The following HS6ST3 variants were observed in gnomAD, a reference collection of about 807,000 sequenced individuals.
HS6ST3 encodes heparan-sulfate 6-O-sulfotransferase 3.
Under a neutral mutation model 36.7 loss-of-function variants are expected in HS6ST3, and 12 were observed. The observed-to-expected ratio is 0.33, with a 90% CI of 0.21 to 0.53. The LOEUF (loss-of-function observed/expected upper bound fraction) is 0.53. Among genes scored for constraint, HS6ST3 ranks in the 20% least tolerant of loss-of-function variants. HS6ST3 has a pLI of 0.95. For synonymous variants in HS6ST3, 240 were observed against 257.5 expected, an observed-to-expected ratio of 0.93 and a Z score of 0.65; for missense variants, 584 against 640.9, an observed-to-expected ratio of 0.91 and a Z score of 0.96.
At chr13:96,742,549 A>C (rs943346593) in intron 1 of HS6ST3, among the ~76,000 whole-genome samples, 3 of 152,064 alleles carry the variant, frequency 2.0e-5, no homozygotes, top group African/African-American at 7.2e-5. Context: ...CAGTGAAGTT[A>C]TTTGCTACCT....
chr13:96,316,257 CTG>C (rs10534465), intron 1 of HS6ST3, among the ~76,000 whole-genome samples: 5,002 of 147,196 alleles, frequency 0.034, 105 homozygotes, highest in East Asian at 0.079. Context: ...CTACATACAC[CTG>C]TGTGTGTGTG....
At chr13:96,710,330 A>G (rs560659829) in intron 1 of HS6ST3, among the ~76,000 whole-genome samples, 1 of 152,348 alleles carries the variant, frequency 6.6e-6, no homozygotes, top group East Asian at 1.9e-4. Flanking sequence ...GGCCTGACTC[A>G]GCAGAGCTCT....
At chr13:96,333,760 A>G (rs1321485817) in intron 1 of HS6ST3, among the ~76,000 whole-genome samples, 1 of 152,174 alleles carries the variant, frequency 6.6e-6, no homozygotes, top group Non-Finnish European at 1.5e-5. Context: ...ACACTGACAC[A>G]TGAATAGATG....
chr13:96,215,682 T>G (rs1030438875), intron 1 of HS6ST3, among the ~76,000 whole-genome samples: 1 of 152,092 alleles, frequency 6.6e-6, no homozygotes, highest in African/African-American at 2.4e-5. Flanking sequence ...TATTTTTTTT[T>G]ATCAAAGTAA....
chr13:96,571,719 T>C (rs995203966), intron 1 of HS6ST3, among the ~76,000 whole-genome samples: 1 of 152,192 alleles, frequency 6.6e-6, no homozygotes, highest in African/African-American at 2.4e-5. Context: ...TTCCTTGACA[T>C]TATAATGGTT....
At chr13:96,370,800 G>A (rs1004658582) in intron 1 of HS6ST3, among the ~76,000 whole-genome samples, 5 of 152,114 alleles carry the variant, frequency 3.3e-5, no homozygotes, top group Admixed American at 2.0e-4. Flanking sequence ...GGGAGGCTGG[G>A]GCAGGAGAAT....
chr13:96,306,188 C>T (rs1375978417), intron 1 of HS6ST3, among the ~76,000 whole-genome samples: 1 of 150,928 alleles, frequency 6.6e-6, no homozygotes, highest in African/African-American at 2.4e-5. Flanking sequence ...ACTGCAAGCT[C>T]TGCCTCCTGG....
intron 1 of HS6ST3, among the ~76,000 whole-genome samples, chr13:96,713,079 C>CTT (rs1566436185): frequency 2.0e-5 from 3 of 152,128 alleles, no homozygotes; most frequent in Admixed American, 6.5e-5. Flanking sequence ...GAAATGTCAT[C>CTT]TTTTTCTGTG....
At chr13:96,625,117 AC>A (rs1249899491) in intron 1 of HS6ST3, among the ~76,000 whole-genome samples, 1 of 152,154 alleles carries the variant, frequency 6.6e-6, no homozygotes, top group African/African-American at 2.4e-5. Flanking sequence ...CTGCATTGAT[AC>A]CCACTTTTAA....
chr13:96,446,274 G>T (rs1486704283), intron 1 of HS6ST3, among the ~76,000 whole-genome samples: 2 of 152,022 alleles, frequency 1.3e-5, no homozygotes, highest in African/African-American at 4.8e-5. Context: ...AAAAAGTTGA[G>T]TTCCAAAGTA....
At chr13:96,289,958 G>A (rs1391071767) in intron 1 of HS6ST3, among the ~76,000 whole-genome samples, 1 of 152,114 alleles carries the variant, frequency 6.6e-6, no homozygotes, top group Non-Finnish European at 1.5e-5. Flanking sequence ...TCACTTGGCT[G>A]GCATATTTTC....
chr13:96,549,943 A>G (rs973378517), intron 1 of HS6ST3, among the ~76,000 whole-genome samples: 2 of 152,070 alleles, frequency 1.3e-5, no homozygotes, highest in African/African-American at 4.8e-5. Flanking sequence ...CACTAGGTAC[A>G]TTCTTTTGTC....
intron 1 of HS6ST3, among the ~76,000 whole-genome samples, chr13:96,271,272 A>G (rs760304639): frequency 2.6e-5 from 4 of 151,966 alleles, no homozygotes; most frequent in Non-Finnish European, 5.9e-5. Context: ...GTGTGTGAAG[A>G]ATCCCAAGAG....
chr13:96,187,066 A>G (rs1318162523), intron 1 of HS6ST3, among the ~76,000 whole-genome samples: 1 of 152,190 alleles, frequency 6.6e-6, no homozygotes, highest in African/African-American at 2.4e-5. Flanking sequence ...TCTGTCCAGT[A>G]CTGTTGCCAC....
intron 1 of HS6ST3, among the ~76,000 whole-genome samples, chr13:96,335,535 GAC>G (rs1414372517): frequency 6.6e-6 from 1 of 152,172 alleles, no homozygotes; most frequent in Non-Finnish European, 1.5e-5. Context: ...CTGTAAATAG[GAC>G]TCTACTTACT....
chr13:96,103,118 A>T (rs973679629), intron 1 of HS6ST3, among the ~76,000 whole-genome samples: 2 of 152,178 alleles, frequency 1.3e-5, no homozygotes, highest in Non-Finnish European at 2.9e-5. Context: ...CCTGAAAATG[A>T]TGGTTATTAA....
At chr13:96,801,953 C>T (rs887987157) in intron 1 of HS6ST3, among the ~76,000 whole-genome samples, 4 of 152,274 alleles carry the variant, frequency 2.6e-5, no homozygotes, top group African/African-American at 7.2e-5. Context: ...GACTCAGGTT[C>T]TGTTTTGCTG....
In HS6ST3 at chr13:96,564,051, C is replaced by G. The variant is rs369221796; in HGVS notation, c.708-268439C>G. 5.9e-5 allele frequency among the ~76,000 whole-genome samples: 9 copies of G among 152,124 alleles called. No individual in the cohort carries two copies. In the East Asian group the frequency reaches 1.7e-3, roughly 29 times the overall value. On this transcript the variant is annotated intron_variant, in intron 1 of 1. Coordinates refer to ENST00000376705, the MANE Select transcript of HS6ST3 (RefSeq NM_153456.4). ...TTATGACCTTACTCATTTTTCAGTCCCCCTCAATAAGACCAATAAACTATT... is the reference window on the plus strand; with the variant it reads ...TTATGACCTTACTCATTTTTCAGTCGCCCTCAATAAGACCAATAAACTATT...
chr13:96,326,735 A>C lies in HS6ST3; in HGVS notation c.707+235166A>C, dbSNP rs570535905. On this transcript the variant is annotated intron_variant, in intron 1 of 1. Transcript: ENST00000376705. ...GGTCAAATGGTATTTCTAGTTCTAG[A>C]TCCCTGAGGAATCACCACACTGTCT... 3.5e-3 allele frequency among the ~76,000 whole-genome samples: 530 copies of C among 152,122 alleles called. 7 individuals carry two copies. The highest frequency in any genetic ancestry group is 0.012 in the African/African-American group (512 of 41,476).
Sources: gnomAD v4.1 joint callset for allele counts (sites outside exome capture counted in the v4.1 genomes callset) on GRCh38, gnomAD v4.1.1 for gene constraint, MANE v1.5 for transcripts, NCBI Gene and HGNC (gene_info 2026-07-23, HGNC 2026-07-21) for gene names.